The following CHL1 variants were observed in gnomAD, a reference collection of about 807,000 sequenced individuals.
CHL1 encodes cell adhesion molecule L1 like.
Under a neutral mutation model 141.9 loss-of-function variants are expected in CHL1, and 96 were observed. The ratio of observed to expected loss-of-function variants is 0.68; its 90% confidence interval spans 0.57 to 0.80. The LOEUF is 0.80. Ranked by LOEUF, CHL1 falls within the 30% of genes least tolerant of loss-of-function variation. The pLI is 0.00. For missense variants in CHL1, 1,820 were observed against 1,457.2 expected (o/e 1.25, Z -4.05); for synonymous variants, 613 against 502.2 (o/e 1.22, Z -2.95).
chr3:260,134 C>T lies in CHL1; in HGVS notation c.-95+15442C>T, dbSNP rs139817018. Among the ~76,000 whole-genome samples the T allele has an allele frequency of 7.2e-4, 109 of 152,058 alleles. 1 individual carries two copies. The highest frequency in any genetic ancestry group is 6.2e-3 in the South Asian group (30 of 4,808). On this transcript the variant is annotated intron_variant, in intron 2 of 27. Transcript: ENST00000256509. ...ACAAAATTAGCTGGGTGTGGTGGCG[C>T]GGACCTGTAATGCCAGTTACTCAGG... is the stretch of plus-strand genomic sequence containing the variant.
intron 15 of CHL1, among the ~76,000 whole-genome samples, chr3:372,521 A>G (rs1303039341): frequency 2.0e-5 from 3 of 152,060 alleles, no homozygotes; most frequent in Admixed American, 6.6e-5. Flanking sequence ...CCTTTTATCA[A>G]GGTTCTTAGC....
At chr3:296,225 T>G (rs1294754531) in intron 2 of CHL1, among the ~76,000 whole-genome samples, 1 of 152,204 alleles carries the variant, frequency 6.6e-6, no homozygotes, top group Non-Finnish European at 1.5e-5. Context: ...TCCTGGCCTA[T>G]CATTCAGTTA....
At chr3:240,973 A>C (rs1692505278) in intron 1 of CHL1, among the ~76,000 whole-genome samples, 1 of 152,168 alleles carries the variant, frequency 6.6e-6, no homozygotes, top group Non-Finnish European at 1.5e-5. Flanking sequence ...GTTTTATACA[A>C]GTACCATGCT....
In CHL1 at chr3:341,999, G is replaced by T; in HGVS notation, c.596G>T (p.Arg199Leu). The change falls in exon 7 of 28, where the codon CGC becomes CTC. Residue 199 changes from arginine (R) to leucine (L), a missense_variant. Arg to Leu is a moderately radical substitution (Grantham distance 102, BLOSUM62 -2). Coordinates refer to ENST00000256509, the MANE Select transcript of CHL1 (RefSeq NM_006614.4). Reference protein sequence around the residue: ...YFANVEEKDSRNDYCCFAAFP... With the variant: ...YFANVEEKDSLNDYCCFAAFP... ...GCAAACGTGGAAGAAAAGGACAGTCGCAATGACTACTGTTGCTTTGCTGCA... is the reference window on the plus strand; with the variant it reads ...GCAAACGTGGAAGAAAAGGACAGTCTCAATGACTACTGTTGCTTTGCTGCA... 1 of 1,613,446 alleles carries T rather than the reference G, an allele frequency of 6.2e-7. No individual in the cohort carries two copies. The highest frequency in any genetic ancestry group is 8.5e-7 in the Non-Finnish European group (1 of 1,179,516).
At chr3:230,498 A>G (rs1701765675) in intron 1 of CHL1, among the ~76,000 whole-genome samples, 1 of 151,864 alleles carries the variant, frequency 6.6e-6, no homozygotes, top group South Asian at 2.1e-4. Flanking sequence ...CAGAAAGTAT[A>G]AACCTTTTTT....
At chr3:219,041 C>G (rs1003474024) in intron 1 of CHL1, among the ~76,000 whole-genome samples, 9 of 148,776 alleles carry the variant, frequency 6.0e-5, no homozygotes, top group African/African-American at 2.0e-4. Context: ...CCCAGCTACT[C>G]CAGAGGCTGA....
intron 5 of CHL1, 132 bp from the exon 6 acceptor site, chr3:340,662 T>A (rs975991969): frequency 1.4e-6 from 1 of 726,282 alleles, no homozygotes; most frequent in African/African-American, 1.8e-5. Flanking sequence ...AGGGGAGATG[T>A]AAGAACCAGG....
chr3:275,076 A>G (rs554936740), intron 2 of CHL1, among the ~76,000 whole-genome samples: 2 of 152,358 alleles, frequency 1.3e-5, no homozygotes, highest in Admixed American at 1.3e-4. Flanking sequence ...GCACCAGCAC[A>G]CAGTTGAAAC....
At chr3:338,979 T>C (rs1228905058) in intron 5 of CHL1, among the ~76,000 whole-genome samples, 1 of 152,228 alleles carries the variant, frequency 6.6e-6, no homozygotes, top group African/African-American at 2.4e-5. Flanking sequence ...ACAATAGATA[T>C]TATCCAGTGA....
At chr3:258,760 GA>G (rs1436719557) in intron 2 of CHL1, among the ~76,000 whole-genome samples, 3 of 152,014 alleles carry the variant, frequency 2.0e-5, no homozygotes, top group African/African-American at 7.2e-5. Context: ...TGGGACAAAC[GA>G]AAGTGAGACA....
Position 354,654 on chromosome 3 carries a change from A to C in CHL1, c.1048A>C (p.Thr350Pro). 6.2e-7 allele frequency: 1 copy of C among 1,612,762 alleles called. No homozygotes were observed. The highest frequency in any genetic ancestry group is 8.5e-7 in the Non-Finnish European group (1 of 1,179,406). ...HVIVEEPPRW[T>P]KKPQSAVYST... The stretch of plus-strand genomic sequence containing the variant: ...TTTACATCCAGAGCCTCCTCGCTGG[A>C]CAAAGAAGCCTCAGAGTGCTGTGTA... Residue 350 changes from threonine (T) to proline (P), a missense_variant, in exon 11 of 28, where the codon ACA becomes CCA. By Grantham distance (38) the Thr-to-Pro change is conservative. Transcript: ENST00000256509.
At chr3:275,989 G>C (rs887225137) in intron 2 of CHL1, among the ~76,000 whole-genome samples, 10 of 151,970 alleles carry the variant, frequency 6.6e-5, no homozygotes, top group African/African-American at 2.4e-4. Context: ...CTTAGAACTT[G>C]AATGTTTAAG....
chr3:275,785 A>G (rs1328790543), intron 2 of CHL1, among the ~76,000 whole-genome samples: 1 of 152,218 alleles, frequency 6.6e-6, no homozygotes, highest in Non-Finnish European at 1.5e-5. Context: ...TCTAAAGAAT[A>G]GATCTCAGTC....
intron 15 of CHL1, among the ~76,000 whole-genome samples, chr3:377,237 A>C (rs548854288): frequency 8.6e-4 from 131 of 152,342 alleles, no homozygotes; most frequent in African/African-American, 3.1e-3. Flanking sequence ...ATTTGCAAAA[A>C]GAAGTACTAC....
At chr3:266,209 T>C (rs774801163) in intron 2 of CHL1, among the ~76,000 whole-genome samples, 5 of 152,152 alleles carry the variant, frequency 3.3e-5, no homozygotes, top group South Asian at 2.1e-4. Context: ...ACAAGAGTAG[T>C]CAGCTCAGCT....
chr3:261,495 C>A (rs913600024), intron 2 of CHL1, among the ~76,000 whole-genome samples: 2 of 152,140 alleles, frequency 1.3e-5, no homozygotes, highest in Non-Finnish European at 2.9e-5. Context: ...GTTAAGAAAT[C>A]ATATTCTATC....
At chr3:344,799 T>C (rs1306418656) in intron 9 of CHL1, 90 bp downstream of exon 9, 2 of 1,283,684 alleles carry the variant, frequency 1.6e-6, no homozygotes, top group Non-Finnish European at 2.1e-6. Context: ...CTTGCAAAGA[T>C]ATTTTAAAAT....
intron 5 of CHL1, 135 bp from the exon 6 acceptor site, chr3:340,659 A>T: frequency 2.9e-6 from 2 of 685,758 alleles, no homozygotes; most frequent in Non-Finnish European, 4.9e-6. Context: ...TGAAGGGGAG[A>T]TGTAAGAACC....
chr3:270,056 G>GA (rs368423051), intron 2 of CHL1, among the ~76,000 whole-genome samples: 7 of 151,992 alleles, frequency 4.6e-5, no homozygotes, highest in African/African-American at 1.5e-4. Flanking sequence ...GAGGAAGGGG[G>GA]AATCAAAAAA....
Sources: allele counts gnomAD v4.1 joint callset (sites outside exome capture counted in the v4.1 genomes callset), GRCh38; gene constraint gnomAD v4.1.1; transcripts MANE v1.5; gene names NCBI Gene and HGNC (gene_info 2026-07-23, HGNC 2026-07-21).